PTPRT: variants seen among roughly 807,000 people sequenced by gnomAD.
The protein encoded by PTPRT is receptor-type tyrosine-protein phosphatase T.
Under a neutral mutation model 176.8 loss-of-function variants are expected in PTPRT, and 56 were observed. That is an observed-to-expected ratio of 0.32 (90% CI 0.26 to 0.40). PTPRT has a LOEUF of 0.40. Ranked by LOEUF, PTPRT falls within the 10% of genes least tolerant of loss-of-function variation. The probability of loss-of-function intolerance (pLI) is 1.00; values close to 1 mark genes in which losing one functional copy is unlikely to be tolerated. For missense variants in PTPRT, 1,540 were observed against 1,908.2 expected (o/e 0.81, Z 3.60); for synonymous variants, 783 against 739.0 (o/e 1.06, Z -0.96).
intron 2 of PTPRT, among the ~76,000 whole-genome samples, chr20:42,852,511 A>G (rs549241377): frequency 9.8e-4 from 149 of 152,282 alleles, no homozygotes; most frequent in African/African-American, 3.4e-3. Context: ...GCTAATGCCA[A>G]TGGGTTCTTC....
chr20:42,559,322 T>C (rs1041742453), intron 7 of PTPRT, among the ~76,000 whole-genome samples: 6 of 152,112 alleles, frequency 3.9e-5, no homozygotes, highest in Non-Finnish European at 2.9e-5. Flanking sequence ...CCAGAGACCA[T>C]AGTTACAGGG....
At chr20:42,744,760 G>A (rs1243037047) in intron 6 of PTPRT, among the ~76,000 whole-genome samples, 4 of 152,144 alleles carry the variant, frequency 2.6e-5, no homozygotes, top group Non-Finnish European at 5.9e-5. Flanking sequence ...CCTTGAAATT[G>A]TCTGCATCCA....
chr20:42,769,364 T>C (rs1326071112), intron 5 of PTPRT, among the ~76,000 whole-genome samples: 2 of 152,134 alleles, frequency 1.3e-5, no homozygotes, highest in Non-Finnish European at 2.9e-5. Flanking sequence ...AAGGAACACA[T>C]GAAAATATGT....
In PTPRT at chr20:42,115,292, T is replaced by C. The variant is rs1165277753; in HGVS notation, c.3006A>G (p.Pro1002=). The change falls in exon 22 of 31, where the codon CCA becomes CCG. Residue 1002 remains proline, a synonymous_variant. Coordinates refer to ENST00000373187, the MANE Select transcript of PTPRT (RefSeq NM_007050.6). The part of the protein sequence containing the change: ...VGRVKCVRYW[P]DDTEVYGDIK... Reference sequence around the variant, plus strand: ...TGTCTCCGTAGACCTCCGTGTCATCTGGCCAGTATCGCACACATTTCACCT... The same window carrying C: ...TGTCTCCGTAGACCTCCGTGTCATCCGGCCAGTATCGCACACATTTCACCT... 6.2e-7 allele frequency: 1 copy of C among 1,614,156 alleles called. No individual in the cohort carries two copies. The highest frequency in any genetic ancestry group is 2.2e-5 in the East Asian group (1 of 44,880).
chr20:42,996,337 T>C (rs755079883), intron 1 of PTPRT, among the ~76,000 whole-genome samples: 18 of 152,178 alleles, frequency 1.2e-4, no homozygotes, highest in Non-Finnish European at 2.1e-4. Context: ...AGCAGTTACA[T>C]TGGCCAATAC....
chr20:42,706,530 T>TG (rs1305154873), intron 6 of PTPRT, among the ~76,000 whole-genome samples: 1 of 152,140 alleles, frequency 6.6e-6, no homozygotes, highest in Non-Finnish European at 1.5e-5. Context: ...CATTTTGTAT[T>TG]GAGCATAGAA....
chr20:43,145,375 C>T (rs2014140109), intron 1 of PTPRT, among the ~76,000 whole-genome samples: 1 of 152,158 alleles, frequency 6.6e-6, no homozygotes, highest in Non-Finnish European at 1.5e-5. Context: ...TATCAATCAC[C>T]TTCACTGATC....
chr20:42,213,198 C>G (rs975841777), intron 15 of PTPRT, among the ~76,000 whole-genome samples: 7 of 152,242 alleles, frequency 4.6e-5, no homozygotes, highest in African/African-American at 1.7e-4. Context: ...TCAATAAGCC[C>G]TCCAAGCAAT....
At chr20:42,211,386 C>G (rs1326764988) in intron 15 of PTPRT, among the ~76,000 whole-genome samples, 1 of 150,726 alleles carries the variant, frequency 6.6e-6, no homozygotes, top group Non-Finnish European at 1.5e-5. Context: ...AAAATTTTCG[C>G]AACCTACTCA....
At chr20:42,276,532 T>G (rs1289102616) in intron 13 of PTPRT, among the ~76,000 whole-genome samples, 1 of 52,094 alleles carries the variant, frequency 1.9e-5, no homozygotes, top group African/African-American at 6.9e-5. Flanking sequence ...TATATATATA[T>G]ATATATATAT....
At chr20:43,064,953 A>C (rs915456130) in intron 1 of PTPRT, among the ~76,000 whole-genome samples, 2 of 152,144 alleles carry the variant, frequency 1.3e-5, no homozygotes, top group Non-Finnish European at 2.9e-5. Flanking sequence ...CTGTCTTTAC[A>C]TTTGCCCTTT....
intron 9 of PTPRT, among the ~76,000 whole-genome samples, chr20:42,375,171 T>C (rs1348264497): frequency 6.6e-6 from 1 of 152,106 alleles, no homozygotes; most frequent in African/African-American, 2.4e-5. Flanking sequence ...ACAGGGAAAG[T>C]CTTTCTTAAT....
intron 9 of PTPRT, among the ~76,000 whole-genome samples, chr20:42,411,011 A>G (rs894995998): frequency 5.3e-5 from 8 of 152,230 alleles, no homozygotes; most frequent in Non-Finnish European, 8.8e-5. Flanking sequence ...AAGCTTCTAA[A>G]TTAAGAAACT....
chr20:42,097,360 G>T (rs985542834), intron 27 of PTPRT, among the ~76,000 whole-genome samples: 1 of 152,146 alleles, frequency 6.6e-6, no homozygotes, highest in East Asian at 1.9e-4. Context: ...TTCATCCCCT[G>T]CCTCGCCTTT....
At chr20:42,268,899 G>A (rs536958009) in intron 13 of PTPRT, among the ~76,000 whole-genome samples, 130 of 152,234 alleles carry the variant, frequency 8.5e-4, no homozygotes, top group Non-Finnish European at 1.5e-3. Flanking sequence ...GGGTGCTGGC[G>A]CAAATGGCTC....
intron 1 of PTPRT, among the ~76,000 whole-genome samples, chr20:42,890,002 A>G (rs1035930764): frequency 6.6e-6 from 1 of 152,204 alleles, no homozygotes; most frequent in Non-Finnish European, 1.5e-5. Flanking sequence ...AATGACAACC[A>G]TTTCAGGTGC....
At chr20:42,565,484 C>T (rs1281994501) in intron 7 of PTPRT, among the ~76,000 whole-genome samples, 2 of 151,978 alleles carry the variant, frequency 1.3e-5, no homozygotes, top group African/African-American at 2.4e-5. Flanking sequence ...GTGACTGAGC[C>T]TCTGGGCACA....
At chr20:42,908,930 G>A (rs2079512291) in intron 1 of PTPRT, among the ~76,000 whole-genome samples, 1 of 152,172 alleles carries the variant, frequency 6.6e-6, no homozygotes, top group Non-Finnish European at 1.5e-5. Flanking sequence ...GCCAAGGCAG[G>A]AGAATCACTT....
At chr20:43,020,496 T>G (rs1185476793) in intron 1 of PTPRT, among the ~76,000 whole-genome samples, 6 of 152,008 alleles carry the variant, frequency 3.9e-5, no homozygotes. Flanking sequence ...GTACAATGAG[T>G]GCCTGTTACT....
Sources: allele counts gnomAD v4.1 joint callset (sites outside exome capture counted in the v4.1 genomes callset), GRCh38; gene constraint gnomAD v4.1.1; transcripts MANE v1.5; gene names NCBI Gene and HGNC (gene_info 2026-07-23, HGNC 2026-07-21).